GALNT17: variants seen among roughly 807,000 people sequenced by gnomAD.
GALNT17 encodes the protein polypeptide N-acetylgalactosaminyltransferase 17.
GALNT17 carries 29 observed loss-of-function variants against 63.7 expected under a neutral mutation model. That is an observed-to-expected ratio of 0.46 (90% confidence interval 0.34 to 0.62). GALNT17 has a LOEUF of 0.62. Ranked by LOEUF, GALNT17 falls within the 20% of genes least tolerant of loss-of-function variation. GALNT17 has a pLI of 0.01. For missense variants in GALNT17, 603 were observed against 799.6 expected (o/e 0.75, Z 2.97); for synonymous variants, 305 against 318.3 (o/e 0.96, Z 0.45).
intron 1 of GALNT17, among the ~76,000 whole-genome samples, chr7:71,149,245 C>T (rs1788087766): frequency 6.6e-6 from 1 of 152,130 alleles, no homozygotes; most frequent in Non-Finnish European, 1.5e-5. Flanking sequence ...TATTGAACAT[C>T]AACCACATAT....
chr7:71,628,425 C>A (rs542310544), intron 6 of GALNT17, among the ~76,000 whole-genome samples: 2 of 152,158 alleles, frequency 1.3e-5, no homozygotes, highest in South Asian at 4.2e-4. Context: ...TGGGCTCAAG[C>A]AATTATCCTG....
chr7:71,434,418 G>A (rs1245316617), intron 5 of GALNT17, among the ~76,000 whole-genome samples: 3 of 152,184 alleles, frequency 2.0e-5, no homozygotes, highest in East Asian at 3.9e-4. Context: ...GCAGTGTGTT[G>A]TGGGTAAGGT....
intron 9 of GALNT17, among the ~76,000 whole-genome samples, chr7:71,700,004 A>G (rs960790152): frequency 2.6e-5 from 4 of 152,022 alleles, no homozygotes; most frequent in Non-Finnish European, 5.9e-5. Flanking sequence ...AGATAGAATA[A>G]TTATTGGCCA....
At chr7:71,642,174 C>G (rs1036720986) in intron 6 of GALNT17, among the ~76,000 whole-genome samples, 5 of 152,136 alleles carry the variant, frequency 3.3e-5, no homozygotes, top group Admixed American at 6.5e-5. Flanking sequence ...TCTCATGAAC[C>G]AGGCATCTCA....
intron 6 of GALNT17, among the ~76,000 whole-genome samples, chr7:71,655,368 G>A (rs1328958118): frequency 1.3e-5 from 2 of 152,286 alleles, no homozygotes; most frequent in South Asian, 4.1e-4. Flanking sequence ...ATCTGATCGG[G>A]TAGTGTGTCT....
At chr7:71,332,523 C>A (rs73181630) in intron 1 of GALNT17, among the ~76,000 whole-genome samples, 1 of 151,936 alleles carries the variant, frequency 6.6e-6, no homozygotes, top group Non-Finnish European at 1.5e-5. Context: ...GCAAGGTCAC[C>A]TATATATTTT....
chr7:71,415,418 C>T (rs1294651856), intron 3 of GALNT17, among the ~76,000 whole-genome samples: 1 of 152,090 alleles, frequency 6.6e-6, no homozygotes, highest in Non-Finnish European at 1.5e-5. Context: ...GTATTCAATC[C>T]CTGGTAGCAT....
At position 71,305,450 on chromosome 7, in the gene GALNT17, C is replaced by G. The variant is rs543444379; in HGVS notation, c.239-30100C>G. ...ACGGCAAGGATAAATTTTTCTACCC[C>G]CTGGGATGGCAGATTCAGTCCCGGA... On this transcript the variant is annotated intron_variant, in intron 1 of 10. Coordinates refer to ENST00000333538, the MANE Select transcript of GALNT17 (RefSeq NM_022479.3). Among the ~76,000 whole-genome samples the G allele has an allele frequency of 1.2e-4, 18 of 152,272 alleles. No homozygotes were observed. The South Asian group carries it at 2.1e-3, about 18-fold the overall frequency.
chr7:71,663,046 A>G (rs1329356957), intron 6 of GALNT17, among the ~76,000 whole-genome samples: 1 of 152,094 alleles, frequency 6.6e-6, no homozygotes, highest in Non-Finnish European at 1.5e-5. Flanking sequence ...TTTCAGTTCT[A>G]TTCCATTGAT....
intron 9 of GALNT17, among the ~76,000 whole-genome samples, chr7:71,678,417 C>T (rs1211287962): frequency 6.6e-6 from 1 of 151,452 alleles, no homozygotes; most frequent in Non-Finnish European, 1.5e-5. Flanking sequence ...GAGCTTCCGC[C>T]CTGGGCCAAG....
rs1273712493 is a variant in GALNT17, at chr7:71,665,734, T to A, written c.1266+138T>A. 5 of 981,516 alleles carry A rather than the reference T, an allele frequency of 5.1e-6. No homozygotes were observed. In the Admixed American group the frequency reaches 1.2e-4, roughly 25 times the overall value. 60.8% of individuals were successfully genotyped at this position (981,516 alleles called of 1,614,324 possible). ...AATTATGAATGCATTTCAAAGGGAT[T>A]CACAGATGTCTCAGCTTTAGAACTC... On this transcript the variant is annotated intron_variant, in intron 7 of 10. Transcript: ENST00000333538.
At position 71,379,608 on chromosome 7, in the gene GALNT17, G is replaced by T. The variant is rs536358485; in HGVS notation, c.423-8627G>T. 8.5e-5 allele frequency among the ~76,000 whole-genome samples: 13 copies of T among 152,258 alleles called. No individual in the cohort carries two copies. In the South Asian group the frequency reaches 2.7e-3, roughly 32 times the overall value. ...ATCCTGAAAATGGCAGAATCTGCAG[G>T]ATTTGGTGACCGATAGGCATGTTGA... On this transcript the variant is annotated intron_variant, in intron 2 of 10. Transcript: ENST00000333538.
chr7:71,244,401 G>C lies in GALNT17; in HGVS notation c.239-91149G>C, dbSNP rs373996544. On this transcript the variant is annotated intron_variant, in intron 1 of 10. Transcript: ENST00000333538. The stretch of plus-strand genomic sequence containing the variant: ...TCTTTTATTTTCTGGGAGCATTCCA[G>C]TAAGAGAGAAGAGAGCCTGATGGTC... 1.0e-3 allele frequency among the ~76,000 whole-genome samples: 156 copies of C among 152,312 alleles called. 2 individuals carry two copies. In the East Asian group the frequency reaches 0.015, roughly 15 times the overall value.
chr7:71,661,527 C>A (rs752106895), intron 6 of GALNT17, among the ~76,000 whole-genome samples: 33 of 152,138 alleles, frequency 2.2e-4, no homozygotes, highest in Non-Finnish European at 4.4e-4. Flanking sequence ...AATGACAGTT[C>A]ATGTTTAGGA....
chr7:71,548,632 C>T (rs1477119507), intron 5 of GALNT17, among the ~76,000 whole-genome samples: 4 of 152,230 alleles, frequency 2.6e-5, no homozygotes, highest in African/African-American at 9.6e-5. Context: ...GTCTTTGCTC[C>T]TCCTTCACCT....
intron 3 of GALNT17, among the ~76,000 whole-genome samples, chr7:71,403,750 G>A (rs560657763): frequency 1.9e-4 from 29 of 152,230 alleles, no homozygotes; most frequent in Non-Finnish European, 3.8e-4. Flanking sequence ...GCTGCCAAAC[G>A]CGTTTAAAGA....
intron 1 of GALNT17, among the ~76,000 whole-genome samples, chr7:71,272,413 A>G (rs1477490441): frequency 6.6e-6 from 1 of 152,212 alleles, no homozygotes; most frequent in Non-Finnish European, 1.5e-5. Context: ...CCTGTTTTCC[A>G]AAGTGGCTCT....
chr7:71,345,481 C>T (rs1038684194), intron 2 of GALNT17, among the ~76,000 whole-genome samples: 1 of 152,154 alleles, frequency 6.6e-6, no homozygotes, highest in African/African-American at 2.4e-5. Context: ...CAAATTCTAA[C>T]CCATTTTATC....
chr7:71,585,673 T>G (rs547158423), intron 6 of GALNT17, among the ~76,000 whole-genome samples: 2 of 152,210 alleles, frequency 1.3e-5, no homozygotes, highest in South Asian at 4.1e-4. Context: ...TCCATTGTCA[T>G]TATTCATTTT....
Sources: allele counts gnomAD v4.1 joint callset (sites outside exome capture counted in the v4.1 genomes callset), GRCh38; gene constraint gnomAD v4.1.1; transcripts MANE v1.5; gene names NCBI Gene and HGNC (gene_info 2026-07-23, HGNC 2026-07-21).